The following LIPK variants were observed in gnomAD, a reference collection of about 807,000 sequenced individuals.
LIPK encodes the protein lipase member K.
LIPK carries 32 observed loss-of-function variants against 48.6 expected under a neutral mutation model. The observed-to-expected ratio is 0.66, with a 90% CI of 0.50 to 0.88. LIPK has a LOEUF of 0.88. Ranked by LOEUF, LIPK falls within the 40% of genes least tolerant of loss-of-function variation. The pLI is 0.00. For synonymous variants in LIPK, 164 were observed against 157.4 expected (o/e 1.04, Z -0.32); for missense variants, 507 against 478.5 (o/e 1.06, Z -0.56).
At chr10:88,739,847 T>C (rs1440734500) in intron 7 of LIPK, 149 bp from the exon 8 acceptor site, 2 of 445,162 alleles carry the variant, frequency 4.5e-6, no homozygotes, top group East Asian at 8.3e-5. Context: ...AGAGCGAGAC[T>C]CCAACTCAAA....
chr10:88,747,959 T>C (rs1564572025), intron 9 of LIPK, among the ~76,000 whole-genome samples: 1 of 152,156 alleles, frequency 6.6e-6, no homozygotes, highest in Non-Finnish European at 1.5e-5. Context: ...CATGCACATG[T>C]ATGTTTACTG....
At chr10:88,745,869 T>C (rs1211621966) in intron 9 of LIPK, among the ~76,000 whole-genome samples, 1 of 152,200 alleles carries the variant, frequency 6.6e-6, no homozygotes, top group East Asian at 1.9e-4. Context: ...AACTGTATGC[T>C]GCCTACCTGA....
chr10:88,707,227 G>A (rs920700446), intron 1 of LIPK, among the ~76,000 whole-genome samples: 7 of 151,992 alleles, frequency 4.6e-5, no homozygotes, highest in Admixed American at 4.6e-4. Flanking sequence ...GGCATACTTA[G>A]CACTTCAGGC....
chr10:88,751,879 TCATA>T (rs1842869618), intron 9 of LIPK, among the ~76,000 whole-genome samples: 1 of 152,150 alleles, frequency 6.6e-6, no homozygotes, highest in Non-Finnish European at 1.5e-5. Flanking sequence ...TGCCCATCTC[TCATA>T]CAATCACTGT....
At chr10:88,742,011 C>T (rs1395340672) in intron 8 of LIPK, among the ~76,000 whole-genome samples, 1 of 152,132 alleles carries the variant, frequency 6.6e-6, no homozygotes, top group Non-Finnish European at 1.5e-5. Flanking sequence ...AATCAATCAC[C>T]GTGGAAAGTG....
chr10:88,713,757 A>C (rs1295259845), intron 1 of LIPK, among the ~76,000 whole-genome samples: 1 of 152,014 alleles, frequency 6.6e-6, no homozygotes, highest in African/African-American at 2.4e-5. Flanking sequence ...CCTGGCCAAC[A>C]TGGTGAAACC....
At position 88,708,455 on chromosome 10, in the gene LIPK, A is replaced by G. The variant is rs897979997; in HGVS notation, c.-12+2135A>G. On this transcript the variant is annotated intron_variant, in intron 1 of 9. Transcript: ENST00000404190. ...TATTTGTTTTAGAAGTTTAAAAACAATAAAAATTTAAAAATATATAACAGT... is the reference window on the plus strand; with the variant it reads ...TATTTGTTTTAGAAGTTTAAAAACAGTAAAAATTTAAAAATATATAACAGT... Among the ~76,000 whole-genome samples, 67 of 152,210 alleles carry G rather than the reference A, an allele frequency of 4.4e-4. 1 individual carries two copies. Among genetic ancestry groups the G allele is most frequent in the Non-Finnish European group, 2.2e-4 (15 of 67,968 alleles).
intron 1 of LIPK, among the ~76,000 whole-genome samples, chr10:88,722,882 C>CTTTTTTT (rs1262882913): frequency 4.3e-5 from 2 of 46,028 alleles, no homozygotes; most frequent in Admixed American, 2.4e-4. Flanking sequence ...TTCTTCTTTT[C>CTTTTTTT]TTTTTTCTTT....
chr10:88,732,591 G>A (rs2134744319), intron 6 of LIPK, 40 bp downstream of exon 6: 1 of 1,562,886 alleles, frequency 6.4e-7, no homozygotes, highest in East Asian at 2.3e-5. Flanking sequence ...ATAACTAAAA[G>A]TAGCTCTATT....
chr10:88,750,100 G>C (rs1231063349), intron 9 of LIPK, among the ~76,000 whole-genome samples: 2 of 152,074 alleles, frequency 1.3e-5, no homozygotes, highest in African/African-American at 2.4e-5. Flanking sequence ...TCAAAACCAT[G>C]ATGAGATAGC....
At chr10:88,752,495 C>T (rs1041610730) in intron 9 of LIPK, 22 bp from the exon 10 acceptor site, 5 of 1,512,186 alleles carry the variant, frequency 3.3e-6, no homozygotes, top group African/African-American at 1.4e-5. Flanking sequence ...AAACTTTTCT[C>T]TCTCTCTTTT....
chr10:88,736,020 G>C (rs1321270622), intron 6 of LIPK, among the ~76,000 whole-genome samples: 1 of 152,080 alleles, frequency 6.6e-6, no homozygotes, highest in African/African-American at 2.4e-5. Context: ...TGTATAGTCA[G>C]ATATAATCTT....
chr10:88,740,817 C>G (rs1315860362), intron 8 of LIPK, among the ~76,000 whole-genome samples: 3 of 150,934 alleles, frequency 2.0e-5, no homozygotes, highest in Non-Finnish European at 3.0e-5. Flanking sequence ...GACCCCCCCC[C>G]AACCAGGAAT....
At chr10:88,728,284 C>T (rs1212063784) in intron 3 of LIPK, 1 of 181,962 alleles carries the variant, frequency 5.5e-6, no homozygotes, top group Non-Finnish European at 1.2e-5. Flanking sequence ...TCGACGTCTC[C>T]GCCCAGTACC....
intron 2 of LIPK, 81 bp from the exon 3 acceptor site, chr10:88,726,714 A>G: frequency 1.3e-6 from 1 of 752,226 alleles, no homozygotes; most frequent in East Asian, 2.7e-5. Context: ...CAAACAGACA[A>G]ATAAAGTACT....
chr10:88,750,042 A>G (rs962319238), intron 9 of LIPK, among the ~76,000 whole-genome samples: 1 of 152,224 alleles, frequency 6.6e-6, no homozygotes, highest in African/African-American at 2.4e-5. Context: ...TGCATCTAAT[A>G]AGCATATGAA....
At position 88,752,729 on chromosome 10, in the gene LIPK, A is replaced by C; in HGVS notation, c.1173A>C (p.Ile391=). 1.1e-5 allele frequency: 17 copies of C among 1,555,490 alleles called. No homozygotes were observed. Among genetic ancestry groups the C allele is most frequent in the Non-Finnish European group, 1.5e-5 (17 of 1,145,066 alleles). Residue 391 remains isoleucine, a synonymous_variant, in exon 10 of 10, where the codon ATA becomes ATC. Transcript: ENST00000404190. The part of the protein sequence containing the change: ...APQEIYQDLI[I]LMEEYLQN ...AGGAAATTTACCAAGACCTAATTAT[A>C]TTGATGGAAGAATATTTACAAAATT...
chr10:88,737,816 G>T, intron 7 of LIPK, 35 bp downstream of exon 7: 1 of 1,609,000 alleles, frequency 6.2e-7, no homozygotes, highest in African/African-American at 1.3e-5. Flanking sequence ...GAAAACATTT[G>T]TTTTGTTGCA....
chr10:88,720,223 A>T (rs1842196788), intron 1 of LIPK, among the ~76,000 whole-genome samples: 1 of 152,168 alleles, frequency 6.6e-6, no homozygotes, highest in African/African-American at 2.4e-5. Context: ...TTTGAAAGAG[A>T]CATTTCCAAT....
Sources: gnomAD v4.1 joint callset for allele counts (sites outside exome capture counted in the v4.1 genomes callset) on GRCh38, gnomAD v4.1.1 for gene constraint, MANE v1.5 for transcripts, NCBI Gene and HGNC (gene_info 2026-07-23, HGNC 2026-07-21) for gene names.